CNTLN: variants seen among roughly 807,000 people sequenced by gnomAD.
CNTLN encodes centlein, also known as centlein, centrosomal protein.
In CNTLN, 212 loss-of-function variants were observed where a neutral mutation model predicts 180.0. That is an observed-to-expected ratio of 1.18 (90% CI 1.05 to 1.32). CNTLN has a LOEUF of 1.32. Ranked by LOEUF, CNTLN falls within the 40% of genes most tolerant of loss-of-function variation. The pLI, the probability that CNTLN is intolerant of heterozygous loss-of-function variation, is 0.00. For synonymous variants in CNTLN, 722 were observed against 563.1 expected, an observed-to-expected ratio of 1.28 and a Z score of -3.99; for missense variants, 2,095 against 1,610.9, an observed-to-expected ratio of 1.30 and a Z score of -5.14.
At chr9:17,179,149 C>T (rs2131711349) in intron 2 of CNTLN, among the ~76,000 whole-genome samples, 1 of 145,924 alleles carries the variant, frequency 6.9e-6, no homozygotes, top group Admixed American at 6.9e-5. Context: ...GAGGCTGAGG[C>T]AGGAGAATGG....
At chr9:17,175,375 T>A (rs1195874899) in intron 2 of CNTLN, among the ~76,000 whole-genome samples, 10 of 152,172 alleles carry the variant, frequency 6.6e-5, no homozygotes, top group Admixed American at 5.9e-4. Flanking sequence ...GATGTCTAAT[T>A]CTTCTAGCAC....
At chr9:17,519,948 TC>T in the CNTLN span, among the ~76,000 whole-genome samples, 1 of 152,150 alleles carries the variant, frequency 6.6e-6, no homozygotes, top group South Asian at 2.1e-4. Context: ...CCCTCAGGAA[TC>T]GGGCAGTGCA....
At position 17,199,203 on chromosome 9, in the gene CNTLN, C is replaced by CTTTT. The variant is rs763632027; in HGVS notation, c.450-26977_450-26974dup. Among the ~76,000 whole-genome samples the CTTTT allele has an allele frequency of 1.5e-4, 11 of 73,796 alleles. 3 individuals are homozygous for CTTTT. In the South Asian group the frequency reaches 1.7e-3, roughly 11 times the overall value. The allele number at this position is 73,796 out of a possible 152,430, so 48.4% of individuals were successfully genotyped here. A position where few individuals can be genotyped will look rare whatever the true frequency, so the allele number is the denominator to read the frequency against. On this transcript the variant is annotated intron_variant, in intron 2 of 25. Coordinates refer to ENST00000380647, the MANE Select transcript of CNTLN (RefSeq NM_017738.4). ...CTCGCCAGCATCTGTTGTTTCTTGA[C>CTTTT]TTTTTTTTTTTTTTTTTTTTTTTTT...
At chr9:17,149,279 T>C (rs1818673581) in intron 2 of CNTLN, among the ~76,000 whole-genome samples, 1 of 152,170 alleles carries the variant, frequency 6.6e-6, no homozygotes, top group South Asian at 2.1e-4. Context: ...AGTGAACATA[T>C]GTGTGCATGA....
Position 17,226,278 on chromosome 9 carries a change from A to G in CNTLN, c.525A>G (p.Glu175=), listed in dbSNP as rs757266469. 8.4e-6 allele frequency: 13 copies of G among 1,556,604 alleles called. No individual in the cohort carries two copies. Among genetic ancestry groups the G allele is most frequent in the Non-Finnish European group, 1.0e-5 (12 of 1,146,136 alleles). ...ILQVKDAKIQ[E]FEQRESVLKQ... ...AAGTCAAGGATGCCAAAATACAAGA[A>G]TTTGAACAGGTTGGTGTTATAATAA... Residue 175 remains glutamate (E), a synonymous_variant, in exon 3 of 26, where the codon GAA becomes GAG. Coordinates refer to ENST00000380647, the MANE Select transcript of CNTLN (RefSeq NM_017738.4).
intron 6 of CNTLN, among the ~76,000 whole-genome samples, chr9:17,287,763 C>T (rs1166040248): frequency 6.8e-6 from 1 of 146,594 alleles, no homozygotes; most frequent in South Asian, 2.2e-4. Flanking sequence ...GGAATTTATC[C>T]ATTTCTTCTA....
intron 6 of CNTLN, among the ~76,000 whole-genome samples, chr9:17,277,008 T>C (rs777280285): frequency 1.1e-4 from 16 of 152,066 alleles, no homozygotes; most frequent in Non-Finnish European, 2.2e-4. Context: ...TACCTAGCCA[T>C]TGCATTAAAA....
At chr9:17,263,577 C>G (rs1255285429) in intron 5 of CNTLN, among the ~76,000 whole-genome samples, 3 of 150,958 alleles carry the variant, frequency 2.0e-5, no homozygotes, top group Non-Finnish European at 4.4e-5. Flanking sequence ...ATGGCTGGGT[C>G]AAATGGTATT....
chr9:17,268,865 G>T lies in CNTLN; in HGVS notation c.850-4868G>T, dbSNP rs879307614. 2.3e-4 allele frequency among the ~76,000 whole-genome samples: 35 copies of T among 151,748 alleles called. 1 individual carries two copies. Among genetic ancestry groups the T allele is most frequent in the Non-Finnish European group, 3.5e-4 (24 of 67,978 alleles). The stretch of plus-strand genomic sequence containing the variant: ...CCAGGTGCGGGTTATAATCTGGTGT[G>T]CCGTTTTTTAATCCCGTCAGAAAAG... On this transcript the variant is annotated intron_variant, in intron 5 of 25. Coordinates refer to ENST00000380647, the MANE Select transcript of CNTLN (RefSeq NM_017738.4).
At chr9:17,142,597 G>A (rs959403518) in intron 1 of CNTLN, among the ~76,000 whole-genome samples, 1 of 151,994 alleles carries the variant, frequency 6.6e-6, no homozygotes, top group East Asian at 1.9e-4. Context: ...GTGTAGAGTT[G>A]GTACTTAAAA....
At chr9:17,270,376 A>G (rs762628977) in intron 5 of CNTLN, among the ~76,000 whole-genome samples, 7 of 151,968 alleles carry the variant, frequency 4.6e-5, no homozygotes, top group African/African-American at 9.7e-5. Context: ...GCATCTTCAT[A>G]TTTTTTTCCT....
intron 22 of CNTLN, 101 bp downstream of exon 22, chr9:17,466,219 C>T: frequency 2.1e-6 from 2 of 963,506 alleles, no homozygotes; most frequent in Non-Finnish European, 3.2e-6. Flanking sequence ...CCACAAGCTA[C>T]TTAAACACTT....
chr9:17,231,191 T>C (rs531862472), intron 3 of CNTLN, among the ~76,000 whole-genome samples: 28 of 152,234 alleles, frequency 1.8e-4, no homozygotes, highest in South Asian at 6.2e-4. Context: ...GCCCCCTCCA[T>C]TGAATTGTTG....
chr9:17,441,707 G>C (rs1043135623), intron 18 of CNTLN, among the ~76,000 whole-genome samples: 1 of 151,952 alleles, frequency 6.6e-6, no homozygotes, highest in Non-Finnish European at 1.5e-5. Flanking sequence ...TTCACCATCA[G>C]TAATTAAATA....
intron 18 of CNTLN, among the ~76,000 whole-genome samples, chr9:17,451,926 G>A (rs953454495): frequency 6.6e-6 from 1 of 152,178 alleles, no homozygotes; most frequent in Non-Finnish European, 1.5e-5. Context: ...CCAGAAAAAA[G>A]CTGTAGGTCA....
intron 13 of CNTLN, among the ~76,000 whole-genome samples, chr9:17,371,738 C>G (rs568611522): frequency 6.6e-6 from 1 of 151,982 alleles, no homozygotes; most frequent in Non-Finnish European, 1.5e-5. Flanking sequence ...TTAAAACATT[C>G]AAAAAACTTG....
intron 6 of CNTLN, among the ~76,000 whole-genome samples, chr9:17,279,849 GAATTAAT>G (rs1828556138): frequency 6.6e-6 from 1 of 152,290 alleles, no homozygotes; most frequent in South Asian, 2.1e-4. Context: ...CTTCATGAAT[GAATTAAT>G]CCAATTCTCA....
chr9:17,161,336 A>G (rs1819664228), intron 2 of CNTLN, among the ~76,000 whole-genome samples: 1 of 152,162 alleles, frequency 6.6e-6, no homozygotes, highest in African/African-American at 2.4e-5. Context: ...TTTGTTTATT[A>G]GCTCTACAAA....
chr9:17,309,259 G>C lies in CNTLN; in HGVS notation c.1341+7G>C. 6.5e-7 allele frequency: 1 copy of C among 1,535,880 alleles called. No individual in the cohort carries two copies. The highest frequency in any genetic ancestry group is 1.3e-5 in the South Asian group (1 of 76,796). On this transcript the variant is annotated splice_region_variant and intron_variant, in intron 8 of 25. Transcript: ENST00000380647. The stretch of plus-strand genomic sequence containing the variant: ...TCCAGACTACTCAGCACAGGTGAGA[G>C]ACATTTTCTAAAACTGTTATTCAGT...
Sources: gnomAD v4.1 joint callset for allele counts (sites outside exome capture counted in the v4.1 genomes callset) on GRCh38, gnomAD v4.1.1 for gene constraint, MANE v1.5 for transcripts, NCBI Gene and HGNC (gene_info 2026-07-23, HGNC 2026-07-21) for gene names.